C4orf51: variants seen among roughly 807,000 people sequenced by gnomAD.
C4orf51 encodes uncharacterized protein C4orf51.
In C4orf51, 25 loss-of-function variants were observed where a neutral mutation model predicts 25.2. The observed-to-expected ratio is 0.99, with a 90% confidence interval of 0.72 to 1.39. The LOEUF is 1.39. C4orf51 is among the 40% of genes most tolerant of loss of function. The probability of loss-of-function intolerance (pLI) is 0.00; values close to 1 mark genes in which losing one functional copy is unlikely to be tolerated. For missense variants in C4orf51, 252 were observed against 239.6 expected (o/e 1.05, Z -0.34); for synonymous variants, 100 against 84.5 (o/e 1.18, Z -1.01).
intron 4 of C4orf51, 68 bp downstream of exon 4, chr4:145,729,297 A>ATTTTTTTTTTTTTTTTTTTTT: frequency 3.4e-6 from 1 of 291,814 alleles, no homozygotes; most frequent in South Asian, 3.7e-5. Context: ...TGGTCATGTG[A>ATTTTTTTTTTTTTTTTTTTTT]TTTTTTTTTT....
chr4:145,716,971 GAAGAC>G (rs1731451542), intron 2 of C4orf51, among the ~76,000 whole-genome samples: 1 of 152,166 alleles, frequency 6.6e-6, no homozygotes, highest in Admixed American at 6.5e-5. Context: ...TACATAGCTT[GAAGAC>G]AAGTCTGAGC....
the C4orf51 span, among the ~76,000 whole-genome samples, chr4:145,780,138 C>T: frequency 1.3e-4 from 20 of 152,298 alleles, no homozygotes; most frequent in African/African-American, 4.6e-4. Flanking sequence ...TTGCAGTGAG[C>T]TGAGATCACG....
At chr4:145,742,791 C>T (rs532366769) in intron 1 of C4orf51, among the ~76,000 whole-genome samples, 52 of 152,252 alleles carry the variant, frequency 3.4e-4, no homozygotes, top group African/African-American at 9.9e-4. Context: ...CTACCCGCCT[C>T]GGCCTCCCAA....
the C4orf51 span, among the ~76,000 whole-genome samples, chr4:145,784,099 G>A: frequency 2.6e-3 from 399 of 152,244 alleles, no homozygotes; most frequent in African/African-American, 8.9e-3. Context: ...CCACTATGAT[G>A]GAAAGTTTCC....
chr4:145,769,442 A>G (rs1173889114), intron 1 of C4orf51, among the ~76,000 whole-genome samples: 3 of 152,230 alleles, frequency 2.0e-5, no homozygotes, highest in Non-Finnish European at 4.4e-5. Flanking sequence ...CATTTTTAGA[A>G]TTAAAACATA....
chr4:145,736,472 A>C (rs2126785678), downstream of C4orf51, among the ~76,000 whole-genome samples: 1 of 152,118 alleles, frequency 6.6e-6, no homozygotes, highest in Non-Finnish European at 1.5e-5. Flanking sequence ...GTGTAACCTG[A>C]GGCCTCCTCT....
Position 145,765,644 on chromosome 4 carries a change from A to G in C4orf51, n.167-5344A>G. On this transcript the variant is annotated intron_variant and non_coding_transcript_variant, in intron 1 of 1. Transcript: ENST00000510096. The surrounding 1 kb of genome is among the most constrained non-coding windows in gnomAD (Gnocchi z 4.7). ...TCCCGCCCTTGTTTTTCTGGGAGCC[A>G]TCTGAATCATCTTTGCTGTTGGCTG... is the stretch of plus-strand genomic sequence containing the variant. 1.9e-6 allele frequency: 3 copies of G among 1,614,164 alleles called. No individual in the cohort carries two copies. Among genetic ancestry groups the G allele is most frequent in the Non-Finnish European group, 2.5e-6 (3 of 1,180,024 alleles).
Position 145,726,771 on chromosome 4 carries a change from G to A in C4orf51, c.308-140G>A, listed in dbSNP as rs1378748022. On this transcript the variant is annotated intron_variant, in intron 2 of 5. Transcript: ENST00000438731. ...GAACAACAAAACTTACTCCTCTTAT[G>A]TAACTATAATTTTTGGTTAGATGCT... 7.5e-6 allele frequency: 5 copies of A among 666,028 alleles called. No homozygotes were observed. In the East Asian group the frequency reaches 7.8e-5, roughly 10 times the overall value. 41.3% of individuals were successfully genotyped at this position (666,028 alleles called of 1,614,324 possible).
At chr4:145,735,703 T>A (rs748656379), downstream of C4orf51, among the ~76,000 whole-genome samples, 12 of 152,236 alleles carry the variant, frequency 7.9e-5, no homozygotes, top group Non-Finnish European at 5.9e-5. Context: ...TTTTTCCTTA[T>A]CTTCTTTCTC....
downstream of C4orf51, chr4:145,775,902 C>T (rs778851561): frequency 5.0e-6 from 8 of 1,614,046 alleles, no homozygotes; most frequent in East Asian, 1.6e-4. Flanking sequence ...AGTGCTGGTT[C>T]AGATTTGCAC....
chr4:145,725,684 A>G (rs1164763104), intron 2 of C4orf51, among the ~76,000 whole-genome samples: 3 of 152,198 alleles, frequency 2.0e-5, no homozygotes, highest in South Asian at 2.1e-4. Context: ...CAGACATACA[A>G]GATCACATAG....
At chr4:145,756,757 G>C (rs1253752420), downstream of C4orf51, among the ~76,000 whole-genome samples, 1 of 152,106 alleles carries the variant, frequency 6.6e-6, no homozygotes, top group African/African-American at 2.4e-5. Flanking sequence ...TAACGTATTT[G>C]ACTCAATCAC....
At chr4:145,695,924 T>TA (rs1362288881) in intron 1 of C4orf51, among the ~76,000 whole-genome samples, 2 of 152,198 alleles carry the variant, frequency 1.3e-5, no homozygotes, top group African/African-American at 4.8e-5. Flanking sequence ...GAAAACTAAA[T>TA]ACTGCATGTT....
downstream of C4orf51, among the ~76,000 whole-genome samples, chr4:145,775,332 T>C (rs529580135): frequency 1.3e-5 from 2 of 152,262 alleles, no homozygotes; most frequent in East Asian, 3.9e-4. Context: ...AAATGAAACA[T>C]AAAATCCACA....
intron 2 of C4orf51, among the ~76,000 whole-genome samples, chr4:145,722,082 G>A (rs765866932): frequency 2.6e-5 from 4 of 152,024 alleles, no homozygotes; most frequent in Non-Finnish European, 4.4e-5. Flanking sequence ...GGGAGGGCAC[G>A]AATAAAAAGA....
chr4:145,740,719 C>G (rs990404330), intron 1 of C4orf51, among the ~76,000 whole-genome samples: 1 of 152,192 alleles, frequency 6.6e-6, no homozygotes, highest in Non-Finnish European at 1.5e-5. Flanking sequence ...AATGGAAGAG[C>G]CCACCATGGC....
chr4:145,775,366 G>C (rs2126944088), downstream of C4orf51, among the ~76,000 whole-genome samples: 1 of 151,716 alleles, frequency 6.6e-6, no homozygotes, highest in Admixed American at 6.6e-5. Context: ...TACAACCATG[G>C]GGAAATACGT....
intron 1 of C4orf51, among the ~76,000 whole-genome samples, chr4:145,694,132 C>T (rs1729850139): frequency 1.2e-5 from 1 of 86,414 alleles, no homozygotes; most frequent in Non-Finnish European, 2.1e-5. Flanking sequence ...GCGCTCCCCA[C>T]ATCTCAGACG....
chr4:145,718,197 C>T (rs1026998750), intron 2 of C4orf51, among the ~76,000 whole-genome samples: 1 of 152,206 alleles, frequency 6.6e-6, no homozygotes, highest in Non-Finnish European at 1.5e-5. Context: ...GGAGATGTAA[C>T]ATGCACTACA....
Sources: allele counts gnomAD v4.1 joint callset (sites outside exome capture counted in the v4.1 genomes callset), GRCh38; gene constraint gnomAD v4.1.1; non-coding constraint Gnocchi (gnomAD v3.1); transcripts MANE v1.5; gene names NCBI Gene and HGNC (gene_info 2026-07-23, HGNC 2026-07-21).